Variants in RBFOX3 observed in about 807,000 individuals in gnomAD.
RBFOX3 encodes the protein RNA binding protein fox-1 homolog 3.
In RBFOX3, 17 loss-of-function variants were observed where a neutral mutation model predicts 48.7. The observed-to-expected ratio is 0.35, with a 90% CI of 0.24 to 0.52. RBFOX3 has a LOEUF of 0.52. RBFOX3 is among the 20% of genes least tolerant of loss of function. The pLI is 0.94. For synonymous variants in RBFOX3, 212 were observed against 209.5 expected (o/e 1.01, Z -0.10); for missense variants, 382 against 497.5 (o/e 0.77, Z 2.21).
intron 2 of RBFOX3, among the ~76,000 whole-genome samples, chr17:79,464,632 T>A (rs1030027245): frequency 1.3e-5 from 2 of 152,110 alleles, no homozygotes; most frequent in Admixed American, 6.5e-5. Flanking sequence ...ACAAACAAAC[T>A]GTTTTGCCTT....
At chr17:79,313,841 A>T (rs1316870483) in intron 2 of RBFOX3, among the ~76,000 whole-genome samples, 2 of 152,110 alleles carry the variant, frequency 1.3e-5, no homozygotes, top group Non-Finnish European at 2.9e-5. Flanking sequence ...CAACCCCCAC[A>T]AGACAAGAGG....
intron 2 of RBFOX3, among the ~76,000 whole-genome samples, chr17:79,413,205 A>G (rs986308299): frequency 6.6e-6 from 1 of 152,238 alleles, no homozygotes; most frequent in Admixed American, 6.5e-5. Flanking sequence ...TCAAGAGGGC[A>G]GGCCGGGGCA....
the RBFOX3 span, among the ~76,000 whole-genome samples, chr17:79,657,870 A>C: frequency 6.6e-6 from 1 of 152,200 alleles, no homozygotes; most frequent in Non-Finnish European, 1.5e-5. Context: ...AAGCTCTCTC[A>C]GGCAAATGCA....
At chr17:79,324,406 G>A (rs1473615488) in intron 2 of RBFOX3, among the ~76,000 whole-genome samples, 1 of 152,216 alleles carries the variant, frequency 6.6e-6, no homozygotes, top group South Asian at 2.1e-4. Context: ...GACCCCAGGG[G>A]CTCAGGAAGC....
At chr17:79,246,251 T>C (rs1313796187) in intron 3 of RBFOX3, among the ~76,000 whole-genome samples, 1 of 152,186 alleles carries the variant, frequency 6.6e-6, no homozygotes, top group African/African-American at 2.4e-5. Context: ...CACAGGGGGC[T>C]GTGTGCCTCC....
intron 3 of RBFOX3, among the ~76,000 whole-genome samples, chr17:79,280,841 T>TGG (rs34734841): frequency 0.04 from 4,009 of 101,336 alleles, 101 homozygotes; most frequent in Non-Finnish European, 0.046. Flanking sequence ...TGTCCCATTG[T>TGG]GGGGGGGGGG....
At chr17:79,321,536 G>A (rs1037323226) in intron 2 of RBFOX3, among the ~76,000 whole-genome samples, 2 of 152,054 alleles carry the variant, frequency 1.3e-5, no homozygotes, top group Non-Finnish European at 2.9e-5. Flanking sequence ...TCATCCAAAC[G>A]GTGGTGATGT....
At chr17:79,399,951 G>C (rs981579158) in intron 2 of RBFOX3, among the ~76,000 whole-genome samples, 1 of 152,204 alleles carries the variant, frequency 6.6e-6, no homozygotes, top group Non-Finnish European at 1.5e-5. Flanking sequence ...AAGGTCTGGA[G>C]ATATCCAGGT....
At chr17:79,612,868 C>T (rs2093979393), upstream of RBFOX3, among the ~76,000 whole-genome samples, 1 of 152,198 alleles carries the variant, frequency 6.6e-6, no homozygotes. Context: ...GCTCTTGCCT[C>T]GCTGTGCCGG....
chr17:79,115,862 T>C (rs1334245889), intron 4 of RBFOX3, 114 bp from the exon 5 acceptor site: 3 of 532,758 alleles, frequency 5.6e-6, no homozygotes, highest in Non-Finnish European at 1.0e-5. Flanking sequence ...TCAGCAGCCT[T>C]TCCCCGGCCC....
At chr17:79,294,228 G>A (rs992251523) in intron 3 of RBFOX3, among the ~76,000 whole-genome samples, 2 of 152,350 alleles carry the variant, frequency 1.3e-5, no homozygotes, top group East Asian at 1.9e-4. Flanking sequence ...CTGGACTGGA[G>A]AGCAAGTTCG....
At chr17:79,533,643 G>A (rs2088213906) in intron 1 of RBFOX3, among the ~76,000 whole-genome samples, 1 of 152,242 alleles carries the variant, frequency 6.6e-6, no homozygotes, top group Non-Finnish European at 1.5e-5. Context: ...AGCTCTCAGG[G>A]TGTGGCCCCC....
intron 3 of RBFOX3, among the ~76,000 whole-genome samples, chr17:79,244,802 C>A (rs918900282): frequency 6.8e-6 from 1 of 147,080 alleles, no homozygotes; most frequent in African/African-American, 2.5e-5. Context: ...CCTTCCTTCC[C>A]CCTCTCCTTT....
At chr17:79,190,440 C>CTATAACAAAAAAAAA (rs1024817953) in intron 4 of RBFOX3, among the ~76,000 whole-genome samples, 5 of 128,166 alleles carry the variant, frequency 3.9e-5, no homozygotes, top group South Asian at 2.6e-4. Context: ...AACAAAAAAA[C>CTATAACAAAAAAAAA]AGAGTGAAGA....
intron 3 of RBFOX3, among the ~76,000 whole-genome samples, chr17:79,247,390 G>A (rs1354824520): frequency 7.0e-6 from 1 of 143,052 alleles, no homozygotes; most frequent in Non-Finnish European, 1.5e-5. Flanking sequence ...TTGGCTCACA[G>A]TAACCGCTGC....
chr17:79,579,285 C>G (rs941221442), intron 1 of RBFOX3, among the ~76,000 whole-genome samples: 1 of 135,468 alleles, frequency 7.4e-6, no homozygotes, highest in East Asian at 2.0e-4. Flanking sequence ...GCTCTGCTGC[C>G]GGGTGCTGGC....
At chr17:79,570,693 C>G (rs1282545034) in intron 1 of RBFOX3, among the ~76,000 whole-genome samples, 1 of 152,110 alleles carries the variant, frequency 6.6e-6, no homozygotes, top group Non-Finnish European at 1.5e-5. Context: ...ACTTACAGAC[C>G]CCACCCCTGG....
At chr17:79,380,933 C>A (rs1218964295) in intron 2 of RBFOX3, among the ~76,000 whole-genome samples, 1 of 152,204 alleles carries the variant, frequency 6.6e-6, no homozygotes, top group African/African-American at 2.4e-5. Context: ...GGGAGCCACA[C>A]ATATAATTTT....
chr17:79,499,358 T>TCATC (rs1263893539), intron 1 of RBFOX3, among the ~76,000 whole-genome samples: 6 of 149,588 alleles, frequency 4.0e-5, no homozygotes, highest in African/African-American at 7.5e-5. Flanking sequence ...ATCTATATAT[T>TCATC]CATCCATCCA....
Sources: allele counts gnomAD v4.1 joint callset (sites outside exome capture counted in the v4.1 genomes callset), GRCh38; gene constraint gnomAD v4.1.1; transcripts MANE v1.5; gene names NCBI Gene and HGNC (gene_info 2026-07-23, HGNC 2026-07-21).